Variants in KLHL32 observed in about 807,000 individuals in gnomAD.
The protein encoded by KLHL32 is kelch like family member 32.
A neutral mutation model predicts 64.8 loss-of-function variants in KLHL32; 35 were observed. That is an observed-to-expected ratio of 0.54 (90% CI 0.41 to 0.72). The LOEUF (loss-of-function observed/expected upper bound fraction) is 0.72, where lower values mean the gene tolerates loss of function less well. Ranked by LOEUF, KLHL32 falls within the 30% of genes least tolerant of loss-of-function variation. The pLI is 0.00. For synonymous variants in KLHL32, 259 were observed against 281.0 expected (o/e 0.92, Z 0.78); for missense variants, 589 against 768.5 (o/e 0.77, Z 2.76).
At chr6:97,065,227 T>C (rs1789551467) in intron 5 of KLHL32, among the ~76,000 whole-genome samples, 1 of 152,168 alleles carries the variant, frequency 6.6e-6, no homozygotes, top group Admixed American at 6.5e-5. Context: ...TATTCCTCCC[T>C]GATTTGCTGG....
intron 3 of KLHL32, among the ~76,000 whole-genome samples, chr6:97,030,256 T>C (rs1783338109): frequency 6.6e-6 from 1 of 152,220 alleles, no homozygotes; most frequent in African/African-American, 2.4e-5. Context: ...AGTAGAATTT[T>C]TGTCAGTTTT....
chr6:96,930,426 C>T (rs1769716599), intron 1 of KLHL32, among the ~76,000 whole-genome samples: 1 of 152,134 alleles, frequency 6.6e-6, no homozygotes, highest in African/African-American at 2.4e-5. Flanking sequence ...TCATTTTCCT[C>T]ATCTGTAAAA....
chr6:96,961,590 G>A (rs1773889154), intron 1 of KLHL32, among the ~76,000 whole-genome samples: 1 of 152,148 alleles, frequency 6.6e-6, no homozygotes, highest in Non-Finnish European at 1.5e-5. Flanking sequence ...AGGCTGCAAT[G>A]TGCAGGGCCA....
At chr6:97,117,493 C>A (rs570519658) in intron 7 of KLHL32, among the ~76,000 whole-genome samples, 2 of 152,040 alleles carry the variant, frequency 1.3e-5, no homozygotes, top group South Asian at 4.2e-4. Flanking sequence ...ATTTTGGGGT[C>A]AGGAAATCTT....
chr6:96,946,903 T>G (rs890772486), intron 1 of KLHL32, among the ~76,000 whole-genome samples: 2 of 152,166 alleles, frequency 1.3e-5, no homozygotes, highest in African/African-American at 4.8e-5. Flanking sequence ...GGCCATAAAA[T>G]GAGCTGTGAA....
chr6:96,938,464 A>G (rs1209916935), intron 1 of KLHL32, among the ~76,000 whole-genome samples: 1 of 152,120 alleles, frequency 6.6e-6, no homozygotes, highest in Non-Finnish European at 1.5e-5. Context: ...TGTCCTGCAG[A>G]TACCTCATCA....
intron 3 of KLHL32, chr6:96,999,531 C>T: frequency 1.0e-6 from 1 of 979,200 alleles, no homozygotes; most frequent in Non-Finnish European, 1.2e-6. Flanking sequence ...GTGAACAATT[C>T]CTGACAGTAT....
At chr6:97,061,358 C>T (rs528633622) in intron 4 of KLHL32, among the ~76,000 whole-genome samples, 4 of 151,910 alleles carry the variant, frequency 2.6e-5, no homozygotes, top group African/African-American at 7.2e-5. Context: ...CGCCCCATCC[C>T]GCCCCTGGAT....
chr6:97,087,528 C>T (rs1361382269), intron 6 of KLHL32, among the ~76,000 whole-genome samples: 1 of 152,094 alleles, frequency 6.6e-6, no homozygotes, highest in African/African-American at 2.4e-5. Context: ...TTGACTTTGA[C>T]AAATCCCTAT....
chr6:97,061,427 T>G (rs369928536), intron 4 of KLHL32, among the ~76,000 whole-genome samples: 3 of 149,512 alleles, frequency 2.0e-5, no homozygotes, highest in African/African-American at 7.3e-5. Context: ...ATTAAGACAT[T>G]TTGTCTTGTC....
At chr6:96,926,818 A>AT (rs536881129) in intron 1 of KLHL32, among the ~76,000 whole-genome samples, 1 of 152,042 alleles carries the variant, frequency 6.6e-6, no homozygotes, top group Non-Finnish European at 1.5e-5. Flanking sequence ...AAGCTTCTGG[A>AT]TTTTTTTTAT....
chr6:97,012,245 T>G (rs1231883686), intron 3 of KLHL32, among the ~76,000 whole-genome samples: 1 of 152,134 alleles, frequency 6.6e-6, no homozygotes, highest in Non-Finnish European at 1.5e-5. Context: ...TGATGGACCT[T>G]GAGGTGGCAA....
intron 3 of KLHL32, among the ~76,000 whole-genome samples, chr6:97,008,549 T>C (rs6912134): frequency 0.24 from 37,224 of 151,948 alleles, 5,887 homozygotes; most frequent in East Asian, 0.53. Flanking sequence ...AGCTGTGCAC[T>C]GGCTGGAGTC....
At chr6:96,986,363 A>G (rs941155705) in intron 3 of KLHL32, among the ~76,000 whole-genome samples, 25 of 152,082 alleles carry the variant, frequency 1.6e-4, no homozygotes, top group African/African-American at 5.1e-4. Context: ...TAGATGTCCA[A>G]CTGCATGCTG....
intron 1 of KLHL32, among the ~76,000 whole-genome samples, chr6:96,925,726 G>GT (rs1463306407): frequency 6.6e-5 from 10 of 152,206 alleles, no homozygotes; most frequent in Non-Finnish European, 1.3e-4. Context: ...AATTCGTAAC[G>GT]TAAGAAGGTA....
intron 3 of KLHL32, among the ~76,000 whole-genome samples, chr6:97,026,045 A>G (rs1356791907): frequency 1.3e-5 from 2 of 152,098 alleles, no homozygotes; most frequent in Non-Finnish European, 2.9e-5. Flanking sequence ...GAAGATCAAG[A>G]TGGGTAATAT....
chr6:97,116,035 C>T (rs903014169), intron 7 of KLHL32, among the ~76,000 whole-genome samples: 1 of 152,128 alleles, frequency 6.6e-6, no homozygotes, highest in African/African-American at 2.4e-5. Context: ...TAGTCACAGG[C>T]TCAGCTTCTC....
At chr6:97,069,927 T>C (rs2128160792) in intron 5 of KLHL32, among the ~76,000 whole-genome samples, 1 of 152,176 alleles carries the variant, frequency 6.6e-6, no homozygotes, top group East Asian at 1.9e-4. Flanking sequence ...TTATCTCTTC[T>C]AAACAATGTA....
chr6:97,139,001 C>T, intron 10 of KLHL32, 120 bp from the exon 11 acceptor site: 6 of 877,024 alleles, frequency 6.8e-6, no homozygotes, highest in Non-Finnish European at 1.0e-5. Flanking sequence ...AAAAAGAATT[C>T]CTAAGATATG....
Sources: allele counts gnomAD v4.1 joint callset (sites outside exome capture counted in the v4.1 genomes callset), GRCh38; gene constraint gnomAD v4.1.1; transcripts MANE v1.5; gene names NCBI Gene and HGNC (gene_info 2026-07-23, HGNC 2026-07-21).